The following LRP1 variants were observed in gnomAD, a reference collection of about 807,000 sequenced individuals.
The protein encoded by LRP1 is prolow-density lipoprotein receptor-related protein 1.
Under a neutral mutation model 541.5 loss-of-function variants are expected in LRP1, and 51 were observed. The observed-to-expected ratio is 0.09, with a 90% CI of 0.08 to 0.12. The LOEUF (loss-of-function observed/expected upper bound fraction) is 0.12, where lower values mean the gene tolerates loss of function less well. LRP1 is among the 10% of genes least tolerant of loss of function. LRP1 has a pLI of 1.00. For missense variants in LRP1, 3,878 were observed against 6,376.2 expected, an observed-to-expected ratio of 0.61 and a Z score of 13.34; for synonymous variants, 2,219 against 2,470.8, an observed-to-expected ratio of 0.90 and a Z score of 3.02.
intron 44 of LRP1, among the ~76,000 whole-genome samples, chr12:57,191,939 C>CT (rs199777522): frequency 2.0e-4 from 9 of 44,402 alleles, no homozygotes; most frequent in African/African-American, 2.8e-4. Flanking sequence ...ACCACACACA[C>CT]ACCACATACA....
intron 20 of LRP1, among the ~76,000 whole-genome samples, chr12:57,170,402 G>A (rs1026493967): frequency 7.2e-5 from 11 of 152,134 alleles, no homozygotes; most frequent in African/African-American, 2.7e-4. Flanking sequence ...GTGCAGGCCA[G>A]GCATGGTGGC....
intron 76 of LRP1, 50 bp from the exon 77 acceptor site, chr12:57,207,988 A>G: frequency 6.3e-7 from 1 of 1,586,118 alleles, no homozygotes. Flanking sequence ...GCGGGGGGAT[A>G]ATGGCAGGAA....
At chr12:57,150,189 C>CTT (rs769778868) in intron 6 of LRP1, 4,623 of 92,734 alleles carry the variant, frequency 0.05, 370 homozygotes, top group Middle Eastern at 0.078. Flanking sequence ...AAACTTCCTT[C>CTT]TTTTTTTTTT....
chr12:57,171,304 G>A (rs2035940116), intron 20 of LRP1, among the ~76,000 whole-genome samples: 1 of 152,194 alleles, frequency 6.6e-6, no homozygotes, highest in South Asian at 2.1e-4. Flanking sequence ...GATGGTCTGG[G>A]ACCATTCAGG....
chr12:57,201,132 G>A lies in LRP1; in HGVS notation c.10324G>A (p.Gly3442Arg). 1.2e-6 allele frequency: 2 copies of A among 1,613,670 alleles called. No homozygotes were observed. Among genetic ancestry groups the A allele is most frequent in the Non-Finnish European group, 1.7e-6 (2 of 1,179,802 alleles). ...CAATGGGCAGGACAACTGCGGAGAT[G>A]GGGAGGATGAGAGGGACTGCCGTGA... ...RCNGQDNCGD[G>R]EDERDCPEVT... The change falls in exon 65 of 89, where the codon GGG (glycine) becomes AGG (arginine). Residue 3442 changes from glycine (G) to arginine (R), a missense_variant. By Grantham distance (125) the Gly-to-Arg change is moderately radical (BLOSUM62 -2). This residue lies in a region of LRP1 where 278 missense variants were observed against 536.3 expected (regional missense o/e 0.52). Coordinates refer to ENST00000243077, the MANE Select transcript of LRP1 (RefSeq NM_002332.3). This position sits in a 1 kb window ranked among gnomAD's most constrained non-coding sequence, Gnocchi z 6.4.
Position 57,154,892 on chromosome 12 carries a change from T to G in LRP1, c.1227+191T>G. 3.2e-6 allele frequency: 2 copies of G among 624,258 alleles called. No homozygotes were observed. The highest frequency in any genetic ancestry group is 5.5e-5 in the East Asian group (2 of 36,616). 38.7% of individuals were successfully genotyped at this position (624,258 alleles called of 1,614,324 possible). On this transcript the variant is annotated intron_variant, in intron 8 of 88. Transcript: ENST00000243077. The surrounding 1 kb of genome is among the most constrained non-coding windows in gnomAD (Gnocchi z 4.6). ...GGACAAGATACGGGTTCCACTGTGA[T>G]GGGAACAGTCATTTTAGAAACACCA...
At chr12:57,135,369 G>C (rs112162183) in intron 1 of LRP1, among the ~76,000 whole-genome samples, 1 of 152,214 alleles carries the variant, frequency 6.6e-6, no homozygotes, top group African/African-American at 2.4e-5. Flanking sequence ...AGAAGGCTCT[G>C]CTGAGGGGAG....
In LRP1 at chr12:57,201,865, T is replaced by A. The variant is rs546999643; in HGVS notation, c.10554T>A (p.Asp3518Glu). 1 of 1,614,016 alleles carries A rather than the reference T, an allele frequency of 6.2e-7. No individual in the cohort carries two copies. The highest frequency in any genetic ancestry group is 1.1e-5 in the South Asian group (1 of 91,066). Residue 3518 changes from aspartate to glutamate, a missense_variant, in exon 67 of 89, where the codon GAT becomes GAA. Physicochemically the swap from Asp to Glu is conservative, Grantham distance 45. Around this residue, in one of 13 missense-constraint regions of LRP1, gnomAD observed 278 missense variants for 536.3 expected, o/e 0.52. Coordinates refer to ENST00000243077, the MANE Select transcript of LRP1 (RefSeq NM_002332.3). The surrounding 1 kb of genome is among the most constrained non-coding windows in gnomAD (Gnocchi z 6.4). ...IPARWKCDGEDDCGDGSDEPK... is the reference protein window; with the variant it reads ...IPARWKCDGEEDCGDGSDEPK... Reference sequence around the variant, plus strand: ...CGCGTTGGAAGTGTGACGGAGAGGATGACTGTGGGGATGGCTCGGATGAGC... The same window carrying A: ...CGCGTTGGAAGTGTGACGGAGAGGAAGACTGTGGGGATGGCTCGGATGAGC...
intron 19 of LRP1, among the ~76,000 whole-genome samples, chr12:57,167,897 T>G (rs1309173818): frequency 1.3e-5 from 2 of 152,314 alleles, no homozygotes; most frequent in East Asian, 3.9e-4. Flanking sequence ...GGTGCACCCC[T>G]CAGGCTCTGG....
Position 57,205,181 on chromosome 12 carries a change from C to A in LRP1, c.11267C>A (p.Ser3756Tyr). Residue 3756 changes from serine (S) to tyrosine (Y), a missense_variant, in exon 73 of 89, where the codon TCC becomes TAC. Ser to Tyr is a moderately radical substitution (Grantham distance 144). Coordinates refer to ENST00000243077, the MANE Select transcript of LRP1 (RefSeq NM_002332.3). This position sits in a 1 kb window ranked among gnomAD's most constrained non-coding sequence, Gnocchi z 4.6. ...CTGTGCCGGAACCAGCGCTGCCTCT[C>A]CTCCTCCCTGCGCTGCAACATGTTC... ...EFLCRNQRCL[S>Y]SSLRCNMFDD... 1 of 1,613,946 alleles carries A rather than the reference C, an allele frequency of 6.2e-7. No homozygotes were observed. The highest frequency in any genetic ancestry group is 1.1e-5 in the South Asian group (1 of 91,080).
intron 1 of LRP1, among the ~76,000 whole-genome samples, chr12:57,129,284 C>T (rs1457412361): frequency 6.6e-6 from 1 of 152,060 alleles, no homozygotes; most frequent in Non-Finnish European, 1.5e-5. Context: ...GAAGAGGGCT[C>T]CCCATTTTTC....
chr12:57,138,269 C>T (rs941556132), intron 1 of LRP1, among the ~76,000 whole-genome samples, 190 bp from the exon 2 acceptor site: 1 of 151,984 alleles, frequency 6.6e-6, no homozygotes, highest in South Asian at 2.1e-4. Flanking sequence ...CCCACCCCCA[C>T]CGCAGATACA....
Position 57,181,267 on chromosome 12 carries a change from C to T in LRP1, c.5638C>T (p.Arg1880Trp), listed in dbSNP as rs774925057. The change falls in exon 34 of 89, where the codon CGG becomes TGG. Residue 1880 changes from arginine (R) to tryptophan (W), a missense_variant. By Grantham distance (101) the Arg-to-Trp change is moderately radical. This residue lies in a region of LRP1 where 394 missense variants were observed against 635.9 expected (regional missense o/e 0.62). Coordinates refer to ENST00000243077, the MANE Select transcript of LRP1 (RefSeq NM_002332.3). ...CATGTGCACAGCCGGCTATAGCCTC[C>T]GGAGTGGCCAGCAGGCCTGCGAGGG... ...SCMCTAGYSL[R>W]SGQQACEGVG... 9 of 1,613,184 alleles carry T rather than the reference C, an allele frequency of 5.6e-6. No homozygotes were observed. The highest frequency in any genetic ancestry group is 2.7e-5 in the African/African-American group (2 of 75,042).
In LRP1 at chr12:57,204,606, G is replaced by A. The variant is rs764032417; in HGVS notation, c.11072-21G>A. On this transcript the variant is annotated intron_variant, in intron 71 of 88. Transcript: ENST00000243077. This position sits in a 1 kb window ranked among gnomAD's most constrained non-coding sequence, Gnocchi z 5.3. ...CACTCCCAAGACTAATTCTGGCTCTGTGTCCCCCTGGCTGCTGCAGCCCGG... is the reference window on the plus strand; with the variant it reads ...CACTCCCAAGACTAATTCTGGCTCTATGTCCCCCTGGCTGCTGCAGCCCGG... 2 of 1,613,242 alleles carry A rather than the reference G, an allele frequency of 1.2e-6. No homozygotes were observed. The highest frequency in any genetic ancestry group is 2.2e-5 in the South Asian group (2 of 91,072).
At chr12:57,174,960 C>G (rs1248160213) in intron 22 of LRP1, among the ~76,000 whole-genome samples, 1 of 152,200 alleles carries the variant, frequency 6.6e-6, no homozygotes, top group Non-Finnish European at 1.5e-5. Context: ...GCCACAGGGA[C>G]TGGCTGGGAG....
Position 57,154,454 on chromosome 12 carries a change from C to G in LRP1, c.1005-25C>G, listed in dbSNP as rs767293805. ...AAGGAGGGTGCCCAATGTCCAGACC[C>G]CATTTAACATGCATCTTCCCACAGG... On this transcript the variant is annotated intron_variant, in intron 7 of 88. Transcript: ENST00000243077. This position sits in a 1 kb window ranked among gnomAD's most constrained non-coding sequence, Gnocchi z 4.6. 1 of 1,610,396 alleles carries G rather than the reference C, an allele frequency of 6.2e-7. No individual in the cohort carries two copies. Among genetic ancestry groups the G allele is most frequent in the Admixed American group, 1.7e-5 (1 of 59,944 alleles).
intron 6 of LRP1, 131 bp downstream of exon 6, chr12:57,145,621 A>G: frequency 8.3e-7 from 1 of 1,205,664 alleles, no homozygotes; most frequent in African/African-American, 1.5e-5. Flanking sequence ...AGGAGGCTGG[A>G]TACAATGGTG....
intron 52 of LRP1, 49 bp from the exon 53 acceptor site, chr12:57,195,609 G>A (rs200880472): frequency 2.1e-4 from 342 of 1,613,014 alleles, no homozygotes; most frequent in Non-Finnish European, 2.7e-4. Context: ...AGGGACGGTC[G>A]GCCGCTGGCC....
chr12:57,145,366 C>G lies in LRP1; in HGVS notation c.717C>G (p.Asn239Lys). The change falls in exon 6 of 89, where the codon AAC (asparagine) becomes AAG (lysine). Residue 239 changes from asparagine to lysine, a missense_variant. Around this residue, in one of 13 missense-constraint regions of LRP1, gnomAD observed 293 missense variants for 403.7 expected, o/e 0.73. Transcript: ENST00000243077. ...QTTAMDFSYA[N>K]ETVCWVHVGD... ...CAGCCATGGACTTCAGCTATGCCAA[C>G]GAGACCGTATGCTGGGTGCATGTTG... The G allele has an allele frequency of 6.2e-7, 1 of 1,614,166 alleles. No homozygotes were observed. The highest frequency in any genetic ancestry group is 8.5e-7 in the Non-Finnish European group (1 of 1,180,040).
Sources: allele counts gnomAD v4.1 joint callset (sites outside exome capture counted in the v4.1 genomes callset), GRCh38; gene constraint gnomAD v4.1.1; regional missense constraint gnomAD v4.1.1; non-coding constraint Gnocchi (gnomAD v3.1); transcripts MANE v1.5; gene names NCBI Gene and HGNC (gene_info 2026-07-23, HGNC 2026-07-21).